GALNTL6: variants seen among roughly 807,000 people sequenced by gnomAD.
The protein encoded by GALNTL6 is polypeptide N-acetylgalactosaminyltransferase like 6.
In GALNTL6, 46 loss-of-function variants were observed where a neutral mutation model predicts 73.7. That is an observed-to-expected ratio of 0.62 (90% CI 0.49 to 0.80). The LOEUF (loss-of-function observed/expected upper bound fraction) is 0.80, where lower values mean the gene tolerates loss of function less well. Ranked by LOEUF, GALNTL6 falls within the 30% of genes least tolerant of loss-of-function variation. GALNTL6 has a pLI of 0.00. For synonymous variants in GALNTL6, 259 were observed against 263.7 expected (o/e 0.98, Z 0.17); for missense variants, 604 against 755.0 (o/e 0.80, Z 2.34).
chr4:173,022,869 A>G (rs931951010), intron 12 of GALNTL6, among the ~76,000 whole-genome samples: 3 of 152,238 alleles, frequency 2.0e-5, no homozygotes, highest in Non-Finnish European at 4.4e-5. Flanking sequence ...ACAACTTTTT[A>G]GAATACTTTA....
chr4:172,786,283 G>A (rs1159560863), intron 5 of GALNTL6, among the ~76,000 whole-genome samples: 1 of 152,176 alleles, frequency 6.6e-6, no homozygotes, highest in East Asian at 1.9e-4. Flanking sequence ...CCCTTTGGCT[G>A]TACCTACATC....
At chr4:172,392,620 T>G (rs1743705920) in intron 5 of GALNTL6, among the ~76,000 whole-genome samples, 1 of 152,142 alleles carries the variant, frequency 6.6e-6, no homozygotes, top group African/African-American at 2.4e-5. Flanking sequence ...AAGTTTTTCT[T>G]GGAGAGAAAA....
chr4:172,989,462 C>G (rs1016696392), intron 10 of GALNTL6, among the ~76,000 whole-genome samples: 4 of 152,014 alleles, frequency 2.6e-5, no homozygotes, highest in African/African-American at 9.7e-5. Flanking sequence ...ATGGGAGGAG[C>G]CAGGGGAAGA....
At chr4:172,213,098 C>A (rs1208454610) in intron 2 of GALNTL6, among the ~76,000 whole-genome samples, 1 of 107,980 alleles carries the variant, frequency 9.3e-6, no homozygotes, top group African/African-American at 2.6e-5. Context: ...TAAGTTTCAT[C>A]CTTTTTTTTT....
chr4:172,835,192 C>T (rs1742840925), intron 7 of GALNTL6, among the ~76,000 whole-genome samples: 1 of 152,222 alleles, frequency 6.6e-6, no homozygotes, highest in Admixed American at 6.5e-5. Flanking sequence ...CAGTGAAAGG[C>T]TTTCTCTTGA....
rs564193808 is a variant in GALNTL6 at position 172,654,886 on chromosome 4, T to C, written c.554-154475T>C. Among the ~76,000 whole-genome samples, 3 of 152,368 alleles carry C rather than the reference T, an allele frequency of 2.0e-5. No individual in the cohort carries two copies. The East Asian group carries it at 5.8e-4, about 29-fold the overall frequency. ...TTTTACTGTTGCAAATACTTTGTAG[T>C]ATTAACCATTTAATCCTCACGACGT... is the stretch of plus-strand genomic sequence containing the variant. On this transcript the variant is annotated intron_variant, in intron 5 of 12. Transcript: ENST00000506823.
At chr4:172,834,622 A>G (rs1453058004) in intron 7 of GALNTL6, among the ~76,000 whole-genome samples, 1 of 152,240 alleles carries the variant, frequency 6.6e-6, no homozygotes, top group Non-Finnish European at 1.5e-5. Flanking sequence ...ACAGGAAGAC[A>G]TCAATCATGT....
intron 5 of GALNTL6, among the ~76,000 whole-genome samples, chr4:172,525,478 T>A (rs1048461652): frequency 1.3e-5 from 2 of 152,212 alleles, no homozygotes; most frequent in Admixed American, 6.5e-5. Context: ...AAACTTTTTT[T>A]AATTTCTTAA....
At chr4:173,017,974 T>G (rs1752848463) in intron 11 of GALNTL6, among the ~76,000 whole-genome samples, 1 of 152,176 alleles carries the variant, frequency 6.6e-6, no homozygotes, top group Non-Finnish European at 1.5e-5. Context: ...AGACACTCAT[T>G]TTCTGCAGGC....
intron 8 of GALNTL6, among the ~76,000 whole-genome samples, chr4:172,919,847 C>T (rs1747709582): frequency 6.6e-6 from 1 of 152,136 alleles, no homozygotes; most frequent in African/African-American, 2.4e-5. Flanking sequence ...AGTTTTTCCT[C>T]CCCAAGACTT....
chr4:172,626,196 T>G (rs551963634), intron 5 of GALNTL6, among the ~76,000 whole-genome samples: 1 of 152,122 alleles, frequency 6.6e-6, no homozygotes, highest in Non-Finnish European at 1.5e-5. Flanking sequence ...CAATTTTATG[T>G]ATGATGAAAC....
intron 2 of GALNTL6, among the ~76,000 whole-genome samples, chr4:172,018,369 G>T (rs1741275649): frequency 6.6e-6 from 1 of 152,066 alleles, no homozygotes; most frequent in Non-Finnish European, 1.5e-5. Flanking sequence ...GACTGTCCTT[G>T]GGCAGGGCTT....
intron 5 of GALNTL6, among the ~76,000 whole-genome samples, chr4:172,399,140 T>G (rs1743950736): frequency 6.6e-6 from 1 of 152,142 alleles, no homozygotes; most frequent in African/African-American, 2.4e-5. Flanking sequence ...AGATACTGTT[T>G]CCCATATGGA....
At chr4:172,206,814 G>GTTTTTTTTTT (rs796625697) in intron 2 of GALNTL6, among the ~76,000 whole-genome samples, 29 of 58,000 alleles carry the variant, frequency 5.0e-4, no homozygotes, top group African/African-American at 1.3e-3. Context: ...TGTTTTTTTT[G>GTTTTTTTTTT]TTTGTTTTTT....
intron 3 of GALNTL6, among the ~76,000 whole-genome samples, chr4:172,254,570 C>T (rs1339119053): frequency 6.6e-6 from 1 of 151,732 alleles, no homozygotes; most frequent in African/African-American, 2.4e-5. Context: ...ATCCACTTAA[C>T]ATTGTCCCCT....
chr4:172,688,922 G>A (rs1733093400), intron 5 of GALNTL6, among the ~76,000 whole-genome samples: 1 of 151,882 alleles, frequency 6.6e-6, no homozygotes, highest in African/African-American at 2.4e-5. Context: ...CTCTGTGCAA[G>A]TATCAGTGTG....
intron 5 of GALNTL6, chr4:172,668,105 A>G (rs925455155): frequency 1.3e-5 from 2 of 152,192 alleles, no homozygotes; most frequent in Non-Finnish European, 2.9e-5. Flanking sequence ...TGTAATTTCA[A>G]TCCCTGTCTA....
chr4:172,468,236 C>T (rs1732911846), intron 5 of GALNTL6, among the ~76,000 whole-genome samples: 1 of 152,112 alleles, frequency 6.6e-6, no homozygotes, highest in Non-Finnish European at 1.5e-5. Context: ...TTGAATTCCA[C>T]CTTACTATGA....
rs137941923 is a variant in GALNTL6 at position 172,961,472 on chromosome 4, C to T, written c.1371+9214C>T. On this transcript the variant is annotated intron_variant, in intron 10 of 12. Transcript: ENST00000506823. ...GCTAAGGGTGAAGGACCAAGGCAGG[C>T]GTCCCCACGTGGTCAGACGCCTCTG... Among the ~76,000 whole-genome samples, 490 of 152,268 alleles carry T rather than the reference C, an allele frequency of 3.2e-3. 1 individual carries two copies. Among genetic ancestry groups the T allele is most frequent in the African/African-American group, 0.011 (439 of 41,548 alleles).
Sources: allele counts gnomAD v4.1 joint callset (sites outside exome capture counted in the v4.1 genomes callset), GRCh38; gene constraint gnomAD v4.1.1; transcripts MANE v1.5; gene names NCBI Gene and HGNC (gene_info 2026-07-23, HGNC 2026-07-21).